Variants in ABCC2 observed in about 807,000 individuals in gnomAD.
ABCC2 encodes ATP-binding cassette sub-family C member 2.
In ABCC2, 157 loss-of-function variants were observed where a neutral mutation model predicts 173.4. That is an observed-to-expected ratio of 0.91 (90% confidence interval 0.80 to 1.03). ABCC2 has a LOEUF of 1.03. Among genes scored for constraint, ABCC2 ranks in the 50% least tolerant of loss-of-function variants. The pLI, the probability that ABCC2 is intolerant of heterozygous loss-of-function variation, is 0.00. For synonymous variants in ABCC2, 657 were observed against 693.5 expected (o/e 0.95, Z 0.83); for missense variants, 1,822 against 1,852.3 (o/e 0.98, Z 0.30).
intron 10 of ABCC2, among the ~76,000 whole-genome samples, chr10:99,804,993 G>A (rs1267457615): frequency 1.3e-5 from 2 of 152,146 alleles, no homozygotes; most frequent in Non-Finnish European, 2.9e-5. Flanking sequence ...ATGAGATAGT[G>A]AGTGAGTGGG....
At chr10:99,811,094 G>A (rs551292854) in intron 14 of ABCC2, among the ~76,000 whole-genome samples, 119 of 152,170 alleles carry the variant, frequency 7.8e-4, no homozygotes, top group Non-Finnish European at 1.4e-3. Flanking sequence ...CCTTTGGGAG[G>A]CTGAGATGGG....
intron 25 of ABCC2, among the ~76,000 whole-genome samples, chr10:99,838,970 A>C (rs1253681059): frequency 6.6e-5 from 3 of 45,418 alleles, no homozygotes; most frequent in African/African-American, 9.1e-5. Flanking sequence ...CGACCCCCTC[A>C]CCTCCCTCCC....
In ABCC2 at chr10:99,811,569, C is replaced by G. The variant is rs767851195; in HGVS notation, c.1934C>G (p.Thr645Ser). 6.2e-7 allele frequency: 1 copy of G among 1,614,070 alleles called. No homozygotes were observed. Among genetic ancestry groups the G allele is most frequent in the Non-Finnish European group, 8.5e-7 (1 of 1,179,990 alleles). ...KAMQFSEASF[T>S]WEHDSEATVR... is the part of the protein sequence containing the mutation. Reference sequence around the variant, plus strand: ...ATGCAGTTTTCTGAGGCCTCCTTTACCTGGGAACATGATTCGGAAGCCACA... The same window carrying G: ...ATGCAGTTTTCTGAGGCCTCCTTTAGCTGGGAACATGATTCGGAAGCCACA... The change falls in exon 15 of 32, where the codon ACC (threonine) becomes AGC (serine). Residue 645 changes from threonine (T) to serine (S), a missense_variant. Physicochemically the swap from Thr to Ser is moderately conservative, Grantham distance 58. Coordinates refer to ENST00000647814, the MANE Select transcript of ABCC2 (RefSeq NM_000392.5).
intron 6 of ABCC2, 121 bp from the exon 7 acceptor site, chr10:99,796,976 G>A (rs1173971357): frequency 1.2e-6 from 1 of 853,134 alleles, no homozygotes; most frequent in Admixed American, 2.0e-5. Flanking sequence ...CCAGGAGATG[G>A]GGATAGTCCC....
At chr10:99,840,447 C>G (rs2038918983) in intron 25 of ABCC2, among the ~76,000 whole-genome samples, 1 of 147,562 alleles carries the variant, frequency 6.8e-6, no homozygotes, top group Admixed American at 6.7e-5. Context: ...GCCTTCGACC[C>G]TTCTGGGGCC....
chr10:99,799,058 G>A, intron 7 of ABCC2, 149 bp from the exon 8 acceptor site: 1 of 799,496 alleles, frequency 1.3e-6, no homozygotes, highest in Admixed American at 2.2e-5. Context: ...AGTGAAGGCA[G>A]CTAGAAGGGC....
At chr10:99,841,879 T>G in intron 25 of ABCC2, 88 bp from the exon 26 acceptor site, 6 of 1,598,366 alleles carry the variant, frequency 3.8e-6, no homozygotes, top group Non-Finnish European at 5.1e-6. Flanking sequence ...AGTCAAACCC[T>G]CTGAGAATGT....
chr10:99,848,799 C>G (rs992978374), intron 30 of ABCC2, among the ~76,000 whole-genome samples: 1 of 152,110 alleles, frequency 6.6e-6, no homozygotes, highest in Non-Finnish European at 1.5e-5. Flanking sequence ...TAGTGTGTAG[C>G]CCCAGGGAAC....
chr10:99,804,752 T>C (rs377661465), intron 10 of ABCC2, among the ~76,000 whole-genome samples: 2 of 152,230 alleles, frequency 1.3e-5, no homozygotes, highest in South Asian at 2.1e-4. Context: ...GTGGGTGGAC[T>C]TGACAGTGTA....
chr10:99,851,788 A>G lies in ABCC2; in HGVS notation c.*157A>G. 1.4e-6 allele frequency: 1 copy of G among 708,888 alleles called. No individual in the cohort carries two copies. Among genetic ancestry groups the G allele is most frequent in the East Asian group, 3.0e-5 (1 of 33,616 alleles). 43.9% of individuals were successfully genotyped at this position (708,888 alleles called of 1,614,324 possible). ...TGAACCTACTACCCAGGTTAAGAAA[A>G]TAAATGTCACCAGGTACTTGAGAAA... On this transcript the variant is annotated 3_prime_UTR_variant, in exon 32 of 32. Coordinates refer to ENST00000647814, the MANE Select transcript of ABCC2 (RefSeq NM_000392.5).
chr10:99,784,263 AG>A (rs753869450), intron 1 of ABCC2, among the ~76,000 whole-genome samples: 21 of 152,264 alleles, frequency 1.4e-4, no homozygotes, highest in Non-Finnish European at 1.8e-4. Flanking sequence ...TTTATATCCC[AG>A]GGAACTATTC....
At chr10:99,816,507 C>T (rs1269244277) in intron 16 of ABCC2, among the ~76,000 whole-genome samples, 1 of 151,840 alleles carries the variant, frequency 6.6e-6, no homozygotes, top group South Asian at 2.1e-4. Flanking sequence ...TGGTCACTCC[C>T]GATCTCAGGT....
At chr10:99,802,915 TC>T (rs1355852764) in intron 9 of ABCC2, among the ~76,000 whole-genome samples, 5 of 152,186 alleles carry the variant, frequency 3.3e-5, no homozygotes, top group Non-Finnish European at 1.5e-5. Context: ...TACTACAAGA[TC>T]AGGCATCTAG....
Position 99,800,445 on chromosome 10 carries a change from C to T in ABCC2, c.1091C>T (p.Ala364Val). The change falls in exon 9 of 32, where the codon GCA (alanine) becomes GTA (valine). Residue 364 changes from alanine (A) to valine (V), a missense_variant. Ala to Val is a moderately conservative substitution (Grantham distance 64, BLOSUM62 0). Transcript: ENST00000647814. ...DTYLWIGYLC[A>V]ILLFTAALIQ... ...TATTTGTGGATTGGATATCTCTGTG[C>T]AATCCTCTTATTCACTGCGGCTCTC... The T allele has an allele frequency of 6.2e-7, 1 of 1,614,196 alleles. No homozygotes were observed. The highest frequency in any genetic ancestry group is 1.7e-5 in the Admixed American group (1 of 60,030).
In ABCC2 at chr10:99,817,422, T is replaced by C. The variant is rs146129125; in HGVS notation, c.2209T>C (p.Cys737Arg). The change falls in exon 17 of 32, where the codon TGT (cysteine) becomes CGT (arginine). Residue 737 changes from cysteine to arginine, a missense_variant. Transcript: ENST00000647814. Reference protein sequence around the residue: ...EKRYQQVLEACALLPDLEMLP... With the variant: ...EKRYQQVLEARALLPDLEMLP... Reference sequence around the variant, plus strand: ...GAGGTACCAGCAAGTACTGGAGGCCTGTGCTCTCCTCCCAGACTTGGAAAT... The same window carrying C: ...GAGGTACCAGCAAGTACTGGAGGCCCGTGCTCTCCTCCCAGACTTGGAAAT... The C allele has an allele frequency of 2.2e-5, 36 of 1,614,042 alleles. No homozygotes were observed. In the African/African-American group the frequency reaches 4.5e-4, roughly 20 times the overall value.
In ABCC2 at chr10:99,844,306, C is replaced by T; in HGVS notation, c.3844-16C>T. ...CCACCTTATAAAACTTACTTCTCATCTTGTCTCCTTGCCAGGCACCCTGGG... is the reference window on the plus strand; with the variant it reads ...CCACCTTATAAAACTTACTTCTCATTTTGTCTCCTTGCCAGGCACCCTGGG... On this transcript the variant is annotated splice_polypyrimidine_tract_variant and intron_variant, in intron 27 of 31. Transcript: ENST00000647814. 6.2e-7 allele frequency: 1 copy of T among 1,614,090 alleles called. No individual in the cohort carries two copies. Among genetic ancestry groups the T allele is most frequent in the Non-Finnish European group, 8.5e-7 (1 of 1,180,034 alleles).
At position 99,844,385 on chromosome 10, in the gene ABCC2, A is replaced by G; in HGVS notation, c.3907A>G (p.Asn1303Asp). The G allele has an allele frequency of 6.2e-7, 1 of 1,614,238 alleles. No individual in the cohort carries two copies. Among genetic ancestry groups the G allele is most frequent in the Non-Finnish European group, 8.5e-7 (1 of 1,180,040 alleles). Residue 1303 changes from asparagine (N) to aspartate (D), a missense_variant, in exon 28 of 32, where the codon AAC (asparagine) becomes GAC (aspartate). Coordinates refer to ENST00000647814, the MANE Select transcript of ABCC2 (RefSeq NM_000392.5). Reference sequence around the variant, plus strand: ...GCCCAGCAAAGGCAAGATCCAGTTTAACAACTACCAAGTGCGGTACCGACC... The same window carrying G: ...GCCCAGCAAAGGCAAGATCCAGTTTGACAACTACCAAGTGCGGTACCGACC... ...DWPSKGKIQF[N>D]NYQVRYRPEL...
chr10:99,808,723 A>C (rs1051940125), intron 13 of ABCC2, among the ~76,000 whole-genome samples: 4 of 152,320 alleles, frequency 2.6e-5, no homozygotes, highest in African/African-American at 9.6e-5. Context: ...ACCAGAGGGA[A>C]TACCTGGGTT....
intron 28 of ABCC2, among the ~76,000 whole-genome samples, chr10:99,845,207 A>G (rs890895786): frequency 2.6e-5 from 4 of 151,632 alleles, no homozygotes. Context: ...TTTTTTTTGT[A>G]TTTTTAGTAG....
Sources: allele counts gnomAD v4.1 joint callset (sites outside exome capture counted in the v4.1 genomes callset), GRCh38; gene constraint gnomAD v4.1.1; transcripts MANE v1.5; gene names NCBI Gene and HGNC (gene_info 2026-07-23, HGNC 2026-07-21).